DNAH6: variants seen among roughly 807,000 people sequenced by gnomAD.
DNAH6 encodes axonemal beta dynein heavy chain 6.
DNAH6 carries 340 observed loss-of-function variants against 491.4 expected under a neutral mutation model. The observed-to-expected ratio is 0.69, with a 90% confidence interval of 0.63 to 0.76. DNAH6 has a LOEUF of 0.76. DNAH6 is among the 30% of genes least tolerant of loss of function. The pLI is 0.00. For synonymous variants in DNAH6, 1,603 were observed against 1,686.1 expected, an observed-to-expected ratio of 0.95 and a Z score of 1.21; for missense variants, 4,443 against 4,972.2, an observed-to-expected ratio of 0.89 and a Z score of 3.20.
rs541966500 is a variant in DNAH6 at position 84,714,863 on chromosome 2, A to G, written c.9544-697A>G. 1.1e-3 allele frequency among the ~76,000 whole-genome samples: 160 copies of G among 151,218 alleles called. 2 individuals carry two copies. The highest frequency in any genetic ancestry group is 3.8e-3 in the African/African-American group (157 of 41,266). On this transcript the variant is annotated intron_variant, in intron 57 of 76. Transcript: ENST00000389394. Reference sequence around the variant, plus strand: ...TCAAAGATTTTGTAATATGGTAAATATTACAAAATTACAATATGTAATTTA... The same window carrying G: ...TCAAAGATTTTGTAATATGGTAAATGTTACAAAATTACAATATGTAATTTA...
intron 62 of DNAH6, among the ~76,000 whole-genome samples, chr2:84,741,690 C>CTGGA (rs1469193146): frequency 6.6e-6 from 1 of 152,184 alleles, no homozygotes; most frequent in Non-Finnish European, 1.5e-5. Context: ...CTCTCCCTCC[C>CTGGA]TGGAGCAGCA....
chr2:84,774,366 A>T (rs1182471218), intron 64 of DNAH6, among the ~76,000 whole-genome samples: 1 of 152,074 alleles, frequency 6.6e-6, no homozygotes, highest in East Asian at 1.9e-4. Flanking sequence ...CAAAGATGAG[A>T]TGACTGTAGG....
chr2:84,486,228 A>G, the DNAH6 span, among the ~76,000 whole-genome samples: 1 of 152,136 alleles, frequency 6.6e-6, no homozygotes, highest in African/African-American at 2.4e-5. Context: ...AAACTACTCA[A>G]CCTTTCTAAA....
chr2:84,736,245 A>T (rs1005810071), intron 62 of DNAH6, among the ~76,000 whole-genome samples: 4 of 152,042 alleles, frequency 2.6e-5, no homozygotes, highest in Non-Finnish European at 4.4e-5. Context: ...TGGTTACTGT[A>T]GTCTTGTAGT....
chr2:84,625,044 C>A lies in DNAH6; in HGVS notation c.4496C>A (p.Ser1499Ter). Residue 1499 changes from serine (S) to a stop codon, truncating the protein, a stop_gained, in exon 29 of 77, where the codon TCA (serine) becomes TAA (stop). Coordinates refer to ENST00000389394, the MANE Select transcript of DNAH6 (RefSeq NM_001370.2). LOFTEE classifies it high-confidence loss of function. ...ATCCAGTGTGTGGTCTTTAACTGTT[C>A]AGATGGTTTGGACTACAAGGTACAG... ...LAIQCVVFNC[S>*]DGLDYKMMGR... 6.5e-7 allele frequency: 1 copy of A among 1,547,454 alleles called. No homozygotes were observed. The highest frequency in any genetic ancestry group is 1.2e-5 in the South Asian group (1 of 83,004).
At chr2:84,465,134 A>C in the DNAH6 span, among the ~76,000 whole-genome samples, 3 of 152,310 alleles carry the variant, frequency 2.0e-5, no homozygotes, top group East Asian at 5.8e-4. Flanking sequence ...CGTTATGGTA[A>C]GGTCCATTCA....
chr2:84,738,887 T>A (rs1453364058), intron 62 of DNAH6, among the ~76,000 whole-genome samples: 2 of 152,176 alleles, frequency 1.3e-5, no homozygotes, highest in African/African-American at 2.4e-5. Flanking sequence ...GTTGTTAGCT[T>A]AGTTGCTTTG....
intron 65 of DNAH6, among the ~76,000 whole-genome samples, chr2:84,782,779 G>A (rs1348499965): frequency 5.9e-5 from 9 of 152,110 alleles, no homozygotes; most frequent in African/African-American, 2.2e-4. Flanking sequence ...TACTGGTCAG[G>A]GGTCCCCAGT....
chr2:84,708,155 C>G (rs1207002266), intron 54 of DNAH6, among the ~76,000 whole-genome samples: 1 of 152,038 alleles, frequency 6.6e-6, no homozygotes, highest in Non-Finnish European at 1.5e-5. Context: ...AAGAAAGCCT[C>G]AGCTGGGTGC....
At position 84,784,817 on chromosome 2, in the gene DNAH6, T is replaced by G. The variant is rs1194471161; in HGVS notation, c.10953+7T>G. 27 of 1,516,870 alleles carry G rather than the reference T, an allele frequency of 1.8e-5. No individual in the cohort carries two copies. Among genetic ancestry groups the G allele is most frequent in the Non-Finnish European group, 2.4e-5 (27 of 1,115,780 alleles). 94.0% of individuals were successfully genotyped at this position (1,516,870 alleles called of 1,614,324 possible). A position where few individuals can be genotyped will look rare whatever the true frequency, so the allele number is the denominator to read the frequency against. On this transcript the variant is annotated splice_region_variant and intron_variant, in intron 66 of 76. Coordinates refer to ENST00000389394, the MANE Select transcript of DNAH6 (RefSeq NM_001370.2). ...TCTTCAAAATTCTGTCAAGGTAATG[T>G]ATGCATATGGTTGGAACAATGTGAA... is the stretch of plus-strand genomic sequence containing the variant.
At chr2:84,777,919 G>C in intron 64 of DNAH6, 1 of 1,130,466 alleles carries the variant, frequency 8.8e-7, no homozygotes. Flanking sequence ...CGTTAGGCTG[G>C]ACCAAATTAA....
At position 84,705,852 on chromosome 2, in the gene DNAH6, T is replaced by G. The variant is rs186196452; in HGVS notation, c.8727+105T>G. The G allele has an allele frequency of 4.0e-6, 5 of 1,261,884 alleles. No individual in the cohort carries two copies. The East Asian group carries it at 1.3e-4, about 33-fold the overall frequency. 78.2% of individuals were successfully genotyped at this position (1,261,884 alleles called of 1,614,324 possible). On this transcript the variant is annotated intron_variant, in intron 52 of 76. Transcript: ENST00000389394. Reference sequence around the variant, plus strand: ...CTGTGGTCCTACGCAATATAGACAGTGACAAAACTCTTGGAAATTAGCTTT... The same window carrying G: ...CTGTGGTCCTACGCAATATAGACAGGGACAAAACTCTTGGAAATTAGCTTT...
chr2:84,604,637 T>C, intron 19 of DNAH6, 86 bp downstream of exon 19: 1 of 1,037,302 alleles, frequency 9.6e-7, no homozygotes, highest in Non-Finnish European at 1.4e-6. Flanking sequence ...GGATGTTTTT[T>C]TCAACGTTGC....
chr2:84,720,380 G>A (rs1236240117), intron 59 of DNAH6, among the ~76,000 whole-genome samples: 1 of 134,148 alleles, frequency 7.5e-6, no homozygotes. Context: ...CCGGGTTCAC[G>A]CCATTCTCCT....
intron 48 of DNAH6, 125 bp from the exon 49 acceptor site, chr2:84,700,972 G>T: frequency 4.6e-6 from 5 of 1,086,074 alleles, no homozygotes; most frequent in Non-Finnish European, 6.5e-6. Flanking sequence ...ACATGAGTAG[G>T]AGTTAACTAG....
At chr2:84,465,277 C>T in the DNAH6 span, among the ~76,000 whole-genome samples, 1 of 152,104 alleles carries the variant, frequency 6.6e-6, no homozygotes, top group Non-Finnish European at 1.5e-5. Context: ...GAGCAGATCA[C>T]GAGGTCAGGA....
At chr2:84,667,738 G>A (rs1573419112) in intron 37 of DNAH6, among the ~76,000 whole-genome samples, 1 of 152,134 alleles carries the variant, frequency 6.6e-6, no homozygotes. Flanking sequence ...TCCCATTACT[G>A]GGTATATACC....
the DNAH6 span, among the ~76,000 whole-genome samples, chr2:84,463,764 A>G: frequency 1.3e-5 from 2 of 152,188 alleles, no homozygotes; most frequent in Admixed American, 6.5e-5. Context: ...GAGCTAAGTA[A>G]TGAGTTTCAA....
Position 84,660,356 on chromosome 2 carries a change from T to G in DNAH6, c.6084+1187T>G, listed in dbSNP as rs531362017. On this transcript the variant is annotated intron_variant, in intron 37 of 76. Coordinates refer to ENST00000389394, the MANE Select transcript of DNAH6 (RefSeq NM_001370.2). ...ATCATAGTATAGGATCATAACCCTT[T>G]TAGTAAAATAAAAATCTGTAAGTCC... Among the ~76,000 whole-genome samples the G allele has an allele frequency of 5.9e-5, 9 of 152,194 alleles. No individual in the cohort carries two copies. In the South Asian group the frequency reaches 1.9e-3, roughly 32 times the overall value.
Sources: gnomAD v4.1 joint callset for allele counts (sites outside exome capture counted in the v4.1 genomes callset) on GRCh38, gnomAD v4.1.1 for gene constraint, MANE v1.5 for transcripts, NCBI Gene and HGNC (gene_info 2026-07-23, HGNC 2026-07-21) for gene names.